The following MAST3 variants were observed in gnomAD, a reference collection of about 807,000 sequenced individuals.
The protein encoded by MAST3 is microtubule associated serine/threonine kinase 3.
Under a neutral mutation model 127.0 loss-of-function variants are expected in MAST3, and 43 were observed. That is an observed-to-expected ratio of 0.34 (90% CI 0.27 to 0.44). The LOEUF (loss-of-function observed/expected upper bound fraction) is 0.44. Among genes scored for constraint, MAST3 ranks in the 20% least tolerant of loss-of-function variants. The pLI, the probability that MAST3 is intolerant of heterozygous loss-of-function variation, is 1.00. For missense variants in MAST3, 1,390 were observed against 1,919.1 expected, an observed-to-expected ratio of 0.72 and a Z score of 5.15; for synonymous variants, 785 against 809.2, an observed-to-expected ratio of 0.97 and a Z score of 0.51.
At chr19:18,128,492 C>T (rs2040017682) in intron 12 of MAST3, 34 bp downstream of exon 12, 1 of 1,546,966 alleles carries the variant, frequency 6.5e-7, no homozygotes, top group Non-Finnish European at 8.7e-7. Context: ...CCCCGCTCAT[C>T]TTGTTCTTTC....
chr19:18,118,956 TC>T (rs1476683458), intron 3 of MAST3, among the ~76,000 whole-genome samples: 1 of 152,026 alleles, frequency 6.6e-6, no homozygotes, highest in African/African-American at 2.4e-5. Flanking sequence ...ACCTCCAAGA[TC>T]GTGGGGAGCA....
intron 11 of MAST3, among the ~76,000 whole-genome samples, 193 bp downstream of exon 11, chr19:18,124,967 T>G: frequency 7.0e-6 from 1 of 143,190 alleles, no homozygotes; most frequent in Non-Finnish European, 1.5e-5. Context: ...ATTAGCTAAG[T>G]GTGGTGGCGC....
In MAST3 at chr19:18,145,897, TC is replaced by T. The variant is rs2042968081; in HGVS notation, c.3162+36del. The T allele has an allele frequency of 6.5e-7, 1 of 1,547,470 alleles. No individual in the cohort carries two copies. Among genetic ancestry groups the T allele is most frequent in the Non-Finnish European group, 8.7e-7 (1 of 1,154,220 alleles). ...CACCCCCACTGCCCACCCTCAGGGC[TC>T]CCCAGCACCCCTTGGCCGCAGCTCC... On this transcript the variant is annotated intron_variant, in intron 25 of 27. Transcript: ENST00000687212. The surrounding 1 kb of genome is among the most constrained non-coding windows in gnomAD (Gnocchi z 5.9).
chr19:18,119,939 C>T (rs1210348927), intron 3 of MAST3, among the ~76,000 whole-genome samples: 1 of 152,214 alleles, frequency 6.6e-6, no homozygotes, highest in Non-Finnish European at 1.5e-5. Flanking sequence ...CGCTGAGCTG[C>T]GTTGGCGGCT....
Position 18,110,389 on chromosome 19 carries a change from G to C in MAST3, c.72-263G>C, listed in dbSNP as rs2146929603. 3.0e-6 allele frequency: 3 copies of C among 985,542 alleles called. No homozygotes were observed. In the African/African-American group the frequency reaches 5.2e-5, roughly 17 times the overall value. 61.0% of individuals were successfully genotyped at this position (985,542 alleles called of 1,614,324 possible). On this transcript the variant is annotated intron_variant, in intron 2 of 27. Transcript: ENST00000687212. The surrounding 1 kb of genome is among the most constrained non-coding windows in gnomAD (Gnocchi z 4.3). Reference sequence around the variant, plus strand: ...CGAGTGAGTGTTGGGCAGGGCGGGGGTATGCGGGGTGCAGGGAGGACAGGA... The same window carrying C: ...CGAGTGAGTGTTGGGCAGGGCGGGGCTATGCGGGGTGCAGGGAGGACAGGA...
At position 18,143,941 on chromosome 19, in the gene MAST3, A is replaced by G. The variant is rs745786167; in HGVS notation, c.2518A>G (p.Ile840Val). 1.2e-6 allele frequency: 2 copies of G among 1,609,994 alleles called. No individual in the cohort carries two copies. The highest frequency in any genetic ancestry group is 2.2e-5 in the South Asian group (2 of 90,292). Reference sequence around the variant, plus strand: ...TGCAGGCCCCAAGAGGCCCGTCTTCATTCTAGGGGAGCCTGACCCCCCACC... The same window carrying G: ...TGCAGGCCCCAAGAGGCCCGTCTTCGTTCTAGGGGAGCCTGACCCCCCACC... ...GPAGPKRPVFILGEPDPPPAA... is the reference protein window; with the variant it reads ...GPAGPKRPVFVLGEPDPPPAA... Residue 840 changes from isoleucine (I) to valine (V), a missense_variant, in exon 22 of 28, where the codon ATT becomes GTT. Around this residue, in one of 5 missense-constraint regions of MAST3, gnomAD observed 816 missense variants for 934.1 expected, o/e 0.87. Transcript: ENST00000687212.
chr19:18,129,036 T>TGGGGTAGGAGGGGG, intron 13 of MAST3, 85 bp downstream of exon 13: 1 of 1,186,340 alleles, frequency 8.4e-7, no homozygotes, highest in Non-Finnish European at 1.3e-6. Context: ...ATCCCCCTCC[T>TGGGGTAGGAGGGGG]ACCCCAGCAG....
intron 21 of MAST3, among the ~76,000 whole-genome samples, 196 bp from the exon 22 acceptor site, chr19:18,143,567 C>A (rs988301487): frequency 6.6e-6 from 1 of 152,034 alleles, no homozygotes; most frequent in Non-Finnish European, 1.5e-5. Flanking sequence ...CAGAGTGAGA[C>A]CCTGTCTTTA....
intron 5 of MAST3, chr19:18,122,167 G>A (rs1204834239): frequency 5.1e-6 from 5 of 977,242 alleles, no homozygotes; most frequent in Non-Finnish European, 4.9e-6. Context: ...GTCATGGGGG[G>A]ATATAGCCCT....
rs535683161 is a variant in MAST3, at chr19:18,121,511, C to T, written c.162-174C>T. Reference sequence around the variant, plus strand: ...GTTGAGGGGTGATTCCCTCCTGGGCCTTGAAGACCTGGCTAAGGGCCATGG... The same window carrying T: ...GTTGAGGGGTGATTCCCTCCTGGGCTTTGAAGACCTGGCTAAGGGCCATGG... On this transcript the variant is annotated intron_variant, in intron 3 of 27. Coordinates refer to ENST00000687212, the MANE Select transcript of MAST3 (RefSeq NM_001393504.1). Among the ~76,000 whole-genome samples the T allele has an allele frequency of 3.9e-5, 6 of 152,364 alleles. No individual in the cohort carries two copies. In the East Asian group the frequency reaches 1.2e-3, roughly 29 times the overall value.
intron 19 of MAST3, among the ~76,000 whole-genome samples, chr19:18,138,075 T>C (rs962240361): frequency 7.2e-5 from 11 of 151,902 alleles, no homozygotes; most frequent in African/African-American, 2.4e-4. Flanking sequence ...GCAGGCATGG[T>C]GGTACATGCC....
chr19:18,102,983 G>A (rs1252475596), intron 1 of MAST3, among the ~76,000 whole-genome samples: 1 of 152,160 alleles, frequency 6.6e-6, no homozygotes, highest in Non-Finnish European at 1.5e-5. Flanking sequence ...CCCCAGCCTG[G>A]GCAAGCGCAG....
rs552860163 is a variant in MAST3 at position 18,139,869 on chromosome 19, G to A, written c.2205+745G>A. Among the ~76,000 whole-genome samples the A allele has an allele frequency of 2.1e-5, 3 of 145,788 alleles. No individual in the cohort carries two copies. The East Asian group carries it at 6.3e-4, about 30-fold the overall frequency. ...GAGTCTCGCTCTTTTGCCCAGGCTGGAGTGCAGTGGCGTGATCTCTGCTCA... is the reference window on the plus strand; with the variant it reads ...GAGTCTCGCTCTTTTGCCCAGGCTGAAGTGCAGTGGCGTGATCTCTGCTCA... On this transcript the variant is annotated intron_variant, in intron 20 of 27. Transcript: ENST00000687212.
chr19:18,139,544 C>G (rs903908428), intron 20 of MAST3, among the ~76,000 whole-genome samples: 13 of 152,138 alleles, frequency 8.5e-5, no homozygotes, highest in African/African-American at 2.7e-4. Flanking sequence ...AGGCTGGTCT[C>G]AAACTCCTGA....
intron 6 of MAST3, 69 bp downstream of exon 6, chr19:18,122,820 GT>G: frequency 6.7e-7 from 1 of 1,487,612 alleles, no homozygotes; most frequent in Non-Finnish European, 9.2e-7. Flanking sequence ...ATCTTTGTGT[GT>G]TTTTTTCAAG....
At chr19:18,135,101 T>G in intron 17 of MAST3, 119 bp downstream of exon 17, 1 of 1,249,494 alleles carries the variant, frequency 8.0e-7, no homozygotes, top group Non-Finnish European at 1.1e-6. Flanking sequence ...GGATGCCAGG[T>G]GGGGAGGCGG....
rs1456468854 is a variant in MAST3, at chr19:18,134,994, C to T, written c.1870+12C>T. The T allele has an allele frequency of 5.0e-6, 8 of 1,590,284 alleles. No homozygotes were observed. Among genetic ancestry groups the T allele is most frequent in the Middle Eastern group, 3.4e-4 (2 of 5,966 alleles). On this transcript the variant is annotated intron_variant, in intron 17 of 27. Coordinates refer to ENST00000687212, the MANE Select transcript of MAST3 (RefSeq NM_001393504.1). ...TCAGGTGGTCAGCGGTGCGTTTCCT[C>T]CACGGGCCTGGGTTTGAGCTGCAGC...
intron 20 of MAST3, among the ~76,000 whole-genome samples, chr19:18,141,043 C>T (rs1477435199): frequency 6.6e-6 from 1 of 152,198 alleles, no homozygotes; most frequent in Non-Finnish European, 1.5e-5. Flanking sequence ...ATCCGCCTGC[C>T]TCAGCCTCCC....
At position 18,150,686 on chromosome 19, in the gene MAST3, A is replaced by G. The variant is rs1568625829; in HGVS notation, c.*960A>G. ...CATGCCCAGGCAGTGCCTGCTCTAT[A>G]TATAGAGTCTGCCTCCAATCCTGCT... On this transcript the variant is annotated 3_prime_UTR_variant, in exon 28 of 28. Coordinates refer to ENST00000687212, the MANE Select transcript of MAST3 (RefSeq NM_001393504.1). The G allele has an allele frequency of 1.3e-5, 2 of 152,272 alleles. No homozygotes were observed. The highest frequency in any genetic ancestry group is 2.1e-4 in the South Asian group (1 of 4,832). 9.4% of individuals were successfully genotyped at this position (152,272 alleles called of 1,614,324 possible).
Sources: allele counts gnomAD v4.1 joint callset (sites outside exome capture counted in the v4.1 genomes callset), GRCh38; gene constraint gnomAD v4.1.1; regional missense constraint gnomAD v4.1.1; non-coding constraint Gnocchi (gnomAD v3.1); transcripts MANE v1.5; gene names NCBI Gene and HGNC (gene_info 2026-07-23, HGNC 2026-07-21).